CDH13: variants seen among roughly 807,000 people sequenced by gnomAD.
CDH13 encodes cadherin 13.
Under a neutral mutation model 63.8 loss-of-function variants are expected in CDH13, and 24 were observed. The observed-to-expected ratio is 0.38, with a 90% CI of 0.27 to 0.53. The LOEUF (loss-of-function observed/expected upper bound fraction) is 0.53. CDH13 is among the 20% of genes least tolerant of loss of function. The pLI, the probability that CDH13 is intolerant of heterozygous loss-of-function variation, is 0.85. For synonymous variants in CDH13, 503 were observed against 355.3 expected (o/e 1.42, Z -4.67); for missense variants, 1,049 against 903.1 (o/e 1.16, Z -2.07).
chr16:83,288,219 G>T (rs2089372046), intron 5 of CDH13, among the ~76,000 whole-genome samples: 1 of 152,162 alleles, frequency 6.6e-6, no homozygotes. Context: ...ATCTCCTCTA[G>T]CCCAGCCCCA....
intron 4 of CDH13, among the ~76,000 whole-genome samples, chr16:83,194,530 C>T (rs1018591355): frequency 6.6e-6 from 1 of 152,214 alleles, no homozygotes; most frequent in Non-Finnish European, 1.5e-5. Context: ...ATATTTCTCA[C>T]CTCCCATTCA....
At chr16:83,560,601 G>C (rs929726239) in intron 7 of CDH13, among the ~76,000 whole-genome samples, 1 of 152,212 alleles carries the variant, frequency 6.6e-6, no homozygotes, top group Non-Finnish European at 1.5e-5. Context: ...ACTATTTAGA[G>C]TTTCACTTAA....
intron 4 of CDH13, among the ~76,000 whole-genome samples, chr16:83,205,014 A>G (rs1479274884): frequency 1.3e-5 from 2 of 152,230 alleles, no homozygotes; most frequent in Non-Finnish European, 2.9e-5. Flanking sequence ...AAGGAAGAAC[A>G]CTGCTGTGTG....
intron 7 of CDH13, among the ~76,000 whole-genome samples, chr16:83,543,384 T>TTTAATGGGAAA (rs2075328187): frequency 6.6e-6 from 1 of 152,240 alleles, no homozygotes; most frequent in Non-Finnish European, 1.5e-5. Flanking sequence ...ACATGGCTCC[T>TTTAATGGGAAA]TTAATGGGAA....
chr16:83,329,142 A>C (rs984052592), intron 5 of CDH13, among the ~76,000 whole-genome samples: 2 of 152,238 alleles, frequency 1.3e-5, no homozygotes, highest in African/African-American at 2.4e-5. Flanking sequence ...CGGAGAACCT[A>C]CTAAATGCTT....
intron 7 of CDH13, among the ~76,000 whole-genome samples, chr16:83,530,014 C>T (rs542133602): frequency 6.6e-6 from 1 of 152,194 alleles, no homozygotes; most frequent in East Asian, 1.9e-4. Flanking sequence ...GAGTTGCAAG[C>T]AGAGGGTGCC....
chr16:83,201,448 T>C (rs1293030650), intron 4 of CDH13, among the ~76,000 whole-genome samples: 6 of 151,556 alleles, frequency 4.0e-5, no homozygotes, highest in African/African-American at 1.5e-4. Flanking sequence ...GAGATGAGTA[T>C]AAATTGAGAT....
intron 7 of CDH13, among the ~76,000 whole-genome samples, chr16:83,602,137 AAAAAAAC>A (rs1567797651): frequency 1.2e-4 from 11 of 88,770 alleles, no homozygotes; most frequent in African/African-American, 1.7e-4. Flanking sequence ...AAAAAAAAAA[AAAAAAAC>A]CCAAAGGACA....
At chr16:82,629,484 A>T (rs1226319876) in intron 1 of CDH13, among the ~76,000 whole-genome samples, 1 of 152,232 alleles carries the variant, frequency 6.6e-6, no homozygotes, top group Non-Finnish European at 1.5e-5. Flanking sequence ...AAGTGGGGAA[A>T]GTCTTCGAGG....
chr16:82,999,312 T>G (rs1484226982), intron 2 of CDH13, among the ~76,000 whole-genome samples: 4 of 152,146 alleles, frequency 2.6e-5, no homozygotes, highest in Non-Finnish European at 5.9e-5. Flanking sequence ...CACATAACCT[T>G]AGGGAGGTGA....
In CDH13 at chr16:83,770,324, C is replaced by A. The variant is rs185987736; in HGVS notation, c.1682-9644C>A. Reference sequence around the variant, plus strand: ...GCTCTGTGGCTCTGGCTCTTATGGACGGGGAAGTGCTTTACAATTGCCAGG... The same window carrying A: ...GCTCTGTGGCTCTGGCTCTTATGGAAGGGGAAGTGCTTTACAATTGCCAGG... On this transcript the variant is annotated intron_variant, in intron 11 of 13. Transcript: ENST00000567109. Among the ~76,000 whole-genome samples, 253 of 152,250 alleles carry A rather than the reference C, an allele frequency of 1.7e-3. 2 individuals are homozygous for A. The highest frequency in any genetic ancestry group is 6.8e-3 in the Middle Eastern group (2 of 294).
At chr16:83,002,632 G>T (rs1913059779) in intron 2 of CDH13, among the ~76,000 whole-genome samples, 1 of 152,216 alleles carries the variant, frequency 6.6e-6, no homozygotes, top group South Asian at 2.1e-4. Context: ...ATGTTGGGTT[G>T]TGATCAATGT....
At chr16:83,110,145 C>T (rs889463443) in intron 3 of CDH13, among the ~76,000 whole-genome samples, 7 of 152,188 alleles carry the variant, frequency 4.6e-5, no homozygotes, top group African/African-American at 1.7e-4. Flanking sequence ...TGGATTAAGT[C>T]TCACTAGTAG....
intron 3 of CDH13, among the ~76,000 whole-genome samples, chr16:83,097,133 T>C (rs1381367793): frequency 6.6e-6 from 1 of 152,188 alleles, no homozygotes; most frequent in Non-Finnish European, 1.5e-5. Flanking sequence ...AAATTTGATA[T>C]CACCATAAAG....
chr16:83,428,954 G>A (rs964282011), intron 6 of CDH13, among the ~76,000 whole-genome samples: 1 of 152,230 alleles, frequency 6.6e-6, no homozygotes, highest in South Asian at 2.1e-4. Flanking sequence ...GGGTTTGTTC[G>A]GTCATCACTT....
At chr16:83,627,009 G>A (rs565585415) in intron 8 of CDH13, among the ~76,000 whole-genome samples, 38 of 152,052 alleles carry the variant, frequency 2.5e-4, no homozygotes, top group African/African-American at 4.6e-4. Flanking sequence ...TCAGCCAGGC[G>A]TTGTGGCTCA....
chr16:83,461,565 C>G (rs1029446113), intron 6 of CDH13, among the ~76,000 whole-genome samples: 2 of 152,142 alleles, frequency 1.3e-5, no homozygotes, highest in African/African-American at 4.8e-5. Flanking sequence ...ATATTGGGGT[C>G]TTAGTTGACA....
chr16:83,216,427 T>TATATATATATATATATA lies in CDH13; in HGVS notation c.484-917_484-901dup, dbSNP rs71148821. Among the ~76,000 whole-genome samples the TATATATATATATATATA allele has an allele frequency of 1.8e-4, 8 of 45,056 alleles. 2 individuals are homozygous for TATATATATATATATATA. The highest frequency in any genetic ancestry group is 3.0e-4 in the Non-Finnish European group (6 of 20,142). 29.6% of individuals were successfully genotyped at this position (45,056 alleles called of 152,430 possible). Reference sequence around the variant, plus strand: ...ATATATATATATATATATATATATATATATATATATATATATACACAACCC... The same window carrying TATATATATATATATATA: ...ATATATATATATATATATATATATATATATATATATATATATAATATATATATATATATACACAACCC... On this transcript the variant is annotated intron_variant, in intron 4 of 13. Coordinates refer to ENST00000567109, the MANE Select transcript of CDH13 (RefSeq NM_001257.5).
intron 6 of CDH13, among the ~76,000 whole-genome samples, chr16:83,357,283 C>T (rs576084477): frequency 1.3e-5 from 2 of 152,228 alleles, no homozygotes; most frequent in South Asian, 2.1e-4. Flanking sequence ...ACACTAAAGT[C>T]ATAAGCCAGG....
Sources: allele counts gnomAD v4.1 joint callset (sites outside exome capture counted in the v4.1 genomes callset), GRCh38; gene constraint gnomAD v4.1.1; transcripts MANE v1.5; gene names NCBI Gene and HGNC (gene_info 2026-07-23, HGNC 2026-07-21).